ERAP1: variants seen among roughly 807,000 people sequenced by gnomAD.
The protein encoded by ERAP1 is adipocyte-derived leucine aminopeptidase.
Under a neutral mutation model 103.7 loss-of-function variants are expected in ERAP1, and 86 were observed. The observed-to-expected ratio is 0.83, with a 90% confidence interval of 0.70 to 0.99. ERAP1 has a LOEUF of 0.99. Ranked by LOEUF, ERAP1 falls within the 50% of genes least tolerant of loss-of-function variation. ERAP1 has a pLI of 0.00. For synonymous variants in ERAP1, 398 were observed against 402.4 expected (o/e 0.99, Z 0.13); for missense variants, 1,009 against 1,128.4 (o/e 0.89, Z 1.52).
At chr5:96,786,781 A>G in intron 11 of ERAP1, 2 of 499,522 alleles carry the variant, frequency 4.0e-6, no homozygotes, top group Non-Finnish European at 7.3e-6. Flanking sequence ...ATTTGGACTC[A>G]CGTGAACCCT....
chr5:96,783,255 A>G lies in ERAP1; in HGVS notation c.2101-20T>C. On this transcript the variant is annotated intron_variant, in intron 14 of 18. Coordinates refer to ENST00000443439, the MANE Select transcript of ERAP1 (RefSeq NM_001040458.3). ...GAAGGCCTGAGGGCGTTGTACAGGG[A>G]AACAGGGACCAGTATTGTCACAGGT... 6.2e-7 allele frequency: 1 copy of G among 1,600,374 alleles called. No individual in the cohort carries two copies. Among genetic ancestry groups the G allele is most frequent in the Non-Finnish European group, 8.5e-7 (1 of 1,170,564 alleles).
intron 7 of ERAP1, among the ~76,000 whole-genome samples, chr5:96,792,851 G>A (rs933655673): frequency 6.6e-6 from 1 of 152,162 alleles, no homozygotes; most frequent in African/African-American, 2.4e-5. Flanking sequence ...AATCATTGGA[G>A]TAGGATAAAA....
chr5:96,885,799 A>G, the ERAP1 span, among the ~76,000 whole-genome samples: 1 of 152,210 alleles, frequency 6.6e-6, no homozygotes, highest in Non-Finnish European at 1.5e-5. Context: ...GCATTGTACC[A>G]TGGTGAAGAC....
rs535416921 is a variant in ERAP1 at position 96,762,036 on chromosome 5, T to C, written c.*1164A>G. 19 of 334,244 alleles carry C rather than the reference T, an allele frequency of 5.7e-5. No individual in the cohort carries two copies. The South Asian group carries it at 2.0e-3, about 35-fold the overall frequency. 20.7% of individuals were successfully genotyped at this position (334,244 alleles called of 1,614,324 possible). A position where few individuals can be genotyped will look rare whatever the true frequency, so the allele number is the denominator to read the frequency against. On this transcript the variant is annotated 3_prime_UTR_variant, in exon 20 of 20. Transcript: ENST00000296754. Reference sequence around the variant, plus strand: ...AACCGTGGAACTCTAAGTTATATTATTGCATAGTATTTAGAATAATCAATA... The same window carrying C: ...AACCGTGGAACTCTAAGTTATATTACTGCATAGTATTTAGAATAATCAATA...
At chr5:96,892,319 T>G in the ERAP1 span, 1 of 1,613,954 alleles carries the variant, frequency 6.2e-7, no homozygotes, top group African/African-American at 1.3e-5. Context: ...TATTCCTGAC[T>G]TTGCACCTGG....
At chr5:96,762,377 GC>G in exon 20 of ERAP1, 1 of 1,575,086 alleles carries the variant, frequency 6.3e-7, no homozygotes, top group Non-Finnish European at 8.6e-7. Flanking sequence ...ACCTCGGTAA[GC>G]AGCACATCTT....
the ERAP1 span, chr5:96,879,799 C>G: frequency 7.2e-4 from 1,161 of 1,614,172 alleles, no homozygotes; most frequent in Non-Finnish European, 9.0e-4. Context: ...GTTCTCAGTT[C>G]TCAGTGCCAT....
the ERAP1 span, among the ~76,000 whole-genome samples, chr5:96,837,616 C>A: frequency 1.3e-5 from 2 of 152,212 alleles, no homozygotes; most frequent in African/African-American, 4.8e-5. Flanking sequence ...AGGGAGGTAC[C>A]TGCAACTCCT....
At chr5:96,889,279 A>C in the ERAP1 span, 1 of 1,613,966 alleles carries the variant, frequency 6.2e-7, no homozygotes, top group Admixed American at 1.7e-5. Context: ...AAGTACTTTG[A>C]TATCTACTAT....
chr5:96,764,743 CACTT>C (rs1165860920), intron 19 of ERAP1, among the ~76,000 whole-genome samples: 3 of 152,222 alleles, frequency 2.0e-5, no homozygotes, highest in Non-Finnish European at 4.4e-5. Flanking sequence ...ACCAAAGAAA[CACTT>C]ACCCTCTATA....
At chr5:96,801,202 C>T (rs1777952075) in intron 2 of ERAP1, among the ~76,000 whole-genome samples, 1 of 152,148 alleles carries the variant, frequency 6.6e-6, no homozygotes, top group South Asian at 2.1e-4. Flanking sequence ...TGCCTGTAAT[C>T]CTAACACATT....
At chr5:96,887,828 T>C in the ERAP1 span, among the ~76,000 whole-genome samples, 15 of 152,274 alleles carry the variant, frequency 9.9e-5, no homozygotes, top group East Asian at 2.9e-3. Context: ...AATAATGCTT[T>C]TGAAAAATGG....
chr5:96,902,611 G>A, the ERAP1 span: 5 of 341,444 alleles, frequency 1.5e-5, no homozygotes, highest in Non-Finnish European at 2.2e-5. Flanking sequence ...TCTATCTTAT[G>A]TCTTATAATA....
the ERAP1 span, chr5:96,901,499 AT>A: frequency 8.1e-6 from 13 of 1,612,582 alleles, no homozygotes; most frequent in Non-Finnish European, 9.3e-6. Context: ...GTCACCTGTC[AT>A]TTCAGCTCGC....
the ERAP1 span, among the ~76,000 whole-genome samples, chr5:96,924,855 C>G: frequency 6.6e-6 from 1 of 152,182 alleles, no homozygotes; most frequent in African/African-American, 2.4e-5. Flanking sequence ...ACCTCGGCCT[C>G]TCAAAGTGCT....
the ERAP1 span, among the ~76,000 whole-genome samples, chr5:96,839,402 T>G: frequency 3.9e-5 from 6 of 152,234 alleles, 1 homozygote; most frequent in African/African-American, 1.4e-4. Context: ...AGCCCCATTC[T>G]GAGTTATCTC....
At chr5:96,841,898 G>A in the ERAP1 span, among the ~76,000 whole-genome samples, 43 of 152,014 alleles carry the variant, frequency 2.8e-4, no homozygotes, top group African/African-American at 1.0e-3. Context: ...ACCGAGCAGT[G>A]TACAGTGTAC....
intron 11 of ERAP1, 88 bp downstream of exon 11, chr5:96,788,443 G>A: frequency 1.4e-6 from 2 of 1,479,832 alleles, no homozygotes; most frequent in Admixed American, 1.7e-5. Flanking sequence ...AGCAATAGTG[G>A]TAAGGGCATT....
chr5:96,782,001 A>G (rs2150906070), intron 15 of ERAP1, 147 bp from the exon 16 acceptor site: 1 of 753,198 alleles, frequency 1.3e-6, no homozygotes, highest in South Asian at 1.7e-5. Context: ...GATTTCCTTC[A>G]GTTACAATTT....
Sources: gnomAD v4.1 joint callset for allele counts (sites outside exome capture counted in the v4.1 genomes callset) on GRCh38, gnomAD v4.1.1 for gene constraint, MANE v1.5 for transcripts, NCBI Gene and HGNC (gene_info 2026-07-23, HGNC 2026-07-21) for gene names.